SLC9A3: variants seen among roughly 807,000 people sequenced by gnomAD.
SLC9A3 encodes solute carrier family 9 member A3.
SLC9A3 carries 37 observed loss-of-function variants against 86.8 expected under a neutral mutation model. The observed-to-expected ratio is 0.43, with a 90% CI of 0.33 to 0.56. The LOEUF (loss-of-function observed/expected upper bound fraction) is 0.56, where lower values mean the gene tolerates loss of function less well. SLC9A3 is among the 20% of genes least tolerant of loss of function. The pLI is 0.06. For missense variants in SLC9A3, 1,011 were observed against 1,171.9 expected (o/e 0.86, Z 2.00); for synonymous variants, 581 against 528.3 (o/e 1.10, Z -1.37).
chr5:515,122 C>T (rs973496514), intron 1 of SLC9A3, among the ~76,000 whole-genome samples: 1 of 151,988 alleles, frequency 6.6e-6, no homozygotes, highest in African/African-American at 2.4e-5. Flanking sequence ...CTCGGCCCCC[C>T]ACTCCTCACC....
chr5:485,334 C>T, intron 3 of SLC9A3, 103 bp from the exon 4 acceptor site: 1 of 891,810 alleles, frequency 1.1e-6, no homozygotes, highest in Non-Finnish European at 1.8e-6. Flanking sequence ...GAGCCCATGG[C>T]ACCCGAGGCC....
rs1271058470 is a variant in SLC9A3 at position 491,947 on chromosome 5, G to A, written c.336C>T (p.Pro112=). The A allele has an allele frequency of 6.2e-7, 1 of 1,610,598 alleles. No homozygotes were observed. ...ADHIASFTLT[P]TVFFFYLLPP... is the part of the protein sequence containing the mutation. ...GCAGCAGGTAGAAGAAGAAGACGGT[G>A]GGCGTCAGTGTGAAGGACGCGATGT... is the stretch of plus-strand genomic sequence containing the variant. Residue 112 remains proline (P), a synonymous_variant, in exon 2 of 17, where the codon CCC becomes CCT. Transcript: ENST00000264938. The surrounding 1 kb of genome is among the most constrained non-coding windows in gnomAD (Gnocchi z 9.2).
rs1471704283 is a variant in SLC9A3 at position 497,603 on chromosome 5, C to T, written c.212-5532G>A. ...TATCTCTTAACACAATTGTTCTATTCTTTGGTTATTCCTCCACTTCAAAGA... is the reference window on the plus strand; with the variant it reads ...TATCTCTTAACACAATTGTTCTATTTTTTGGTTATTCCTCCACTTCAAAGA... On this transcript the variant is annotated intron_variant, in intron 1 of 16. Transcript: ENST00000264938. This position sits in a 1 kb window ranked among gnomAD's most constrained non-coding sequence, Gnocchi z 5.4. Among the ~76,000 whole-genome samples the T allele has an allele frequency of 9.2e-5, 14 of 152,190 alleles. No homozygotes were observed. Among genetic ancestry groups the T allele is most frequent in the Non-Finnish European group, 1.5e-5 (1 of 68,048 alleles).
chr5:477,519 G>A (rs4334924), intron 10 of SLC9A3, 75 bp from the exon 11 acceptor site: 359,518 of 1,086,092 alleles, frequency 0.33, 67,313 homozygotes, highest in Non-Finnish European at 0.39. Context: ...GCCCTGGGGG[G>A]AAGCGCCCAG....
chr5:490,912 C>G (rs572227863), intron 2 of SLC9A3, among the ~76,000 whole-genome samples: 71 of 152,340 alleles, frequency 4.7e-4, no homozygotes, highest in South Asian at 1.2e-3. Flanking sequence ...GAACCACGTG[C>G]TGGGTGAGGC....
intron 1 of SLC9A3, among the ~76,000 whole-genome samples, chr5:520,763 G>C (rs1733863064): frequency 6.6e-6 from 1 of 151,918 alleles, no homozygotes; most frequent in South Asian, 2.1e-4. Flanking sequence ...TCCTTCCAGG[G>C]GCCCATTGCT....
At position 475,604 on chromosome 5, in the gene SLC9A3, G is replaced by A. The variant is rs1234162425; in HGVS notation, c.2208C>T (p.Phe736=). ...CTGTGTCCTTGGTGACACTAGCCAG[G>A]AACTCGATCCCCCCACTCATCTCCT... ...YDEEMSGGIE[F]LASVTKDTAS... The change falls in exon 15 of 17, where the codon TTC becomes TTT. Residue 736 remains phenylalanine (F), a synonymous_variant. Transcript: ENST00000264938. The A allele has an allele frequency of 1.9e-6, 3 of 1,552,758 alleles. No individual in the cohort carries two copies.
At chr5:487,075 G>A (rs112763110) in intron 3 of SLC9A3, among the ~76,000 whole-genome samples, 13 of 102 alleles carry the variant, frequency 0.13, 1 homozygote, top group Admixed American at 0.36. Context: ...GACACCCACC[G>A]CACTGACACC....
intron 1 of SLC9A3, among the ~76,000 whole-genome samples, chr5:507,163 C>CTGCTT (rs1553999262): frequency 2.9e-5 from 1 of 34,754 alleles, no homozygotes; most frequent in African/African-American, 1.3e-4. Flanking sequence ...CCGGCTGCTG[C>CTGCTT]TTCTTTTTTT....
rs1739070583 is a variant in SLC9A3, at chr5:480,154, TGGA to T, written c.1518-192_1518-190del. ...CCGTTCTCCCGCCTGTCCTGTTGGATGGAGGCCGTTAGACGCATATGAAACTGC... is the reference window on the plus strand; with the variant it reads ...CCGTTCTCCCGCCTGTCCTGTTGGATGGCCGTTAGACGCATATGAAACTGC... On this transcript the variant is annotated intron_variant, in intron 9 of 16. Coordinates refer to ENST00000264938, the MANE Select transcript of SLC9A3 (RefSeq NM_004174.4). The T allele has an allele frequency of 1.0e-4, 62 of 591,616 alleles. 1 individual carries two copies. The South Asian group carries it at 1.2e-3, about 12-fold the overall frequency. 36.6% of individuals were successfully genotyped at this position (591,616 alleles called of 1,614,324 possible).
intron 1 of SLC9A3, among the ~76,000 whole-genome samples, chr5:512,947 G>C (rs1733601633): frequency 6.6e-6 from 1 of 152,212 alleles, no homozygotes; most frequent in South Asian, 2.1e-4. Flanking sequence ...ACCAAGATCA[G>C]AGCAAATACC....
intron 16 of SLC9A3, among the ~76,000 whole-genome samples, chr5:473,631 C>T (rs1738526804): frequency 3.3e-5 from 5 of 152,150 alleles, no homozygotes; most frequent in Admixed American, 3.3e-4. Context: ...GGACAGCGGC[C>T]TCCTCGGCGC....
intron 1 of SLC9A3, among the ~76,000 whole-genome samples, chr5:499,544 G>A (rs1740169400): frequency 6.6e-6 from 1 of 152,238 alleles, no homozygotes; most frequent in Non-Finnish European, 1.5e-5. Flanking sequence ...ATGGGATGAC[G>A]ACACTTGGGT....
In SLC9A3 at chr5:473,175, G is replaced by GGCGCAGGCCCCGCCCCCGGC; in HGVS notation, c.*203_*204insGCCGGGGGCGGGGCCTGCGC. On this transcript the variant is annotated 3_prime_UTR_variant, in exon 17 of 17. Coordinates refer to ENST00000264938, the MANE Select transcript of SLC9A3 (RefSeq NM_004174.4). ...CGCCCCCGGCGCAGGCCCCGCCCCCGGCTCGCCCTCGGGCGGCTCTGCGGG... is the reference window on the plus strand; with the variant it reads ...CGCCCCCGGCGCAGGCCCCGCCCCCGGCGCAGGCCCCGCCCCCGGCGCTCGCCCTCGGGCGGCTCTGCGGG... 2.1e-6 allele frequency: 1 copy of GGCGCAGGCCCCGCCCCCGGC among 475,206 alleles called. No individual in the cohort carries two copies. Among genetic ancestry groups the GGCGCAGGCCCCGCCCCCGGC allele is most frequent in the Non-Finnish European group, 3.2e-6 (1 of 310,232 alleles). 29.4% of individuals were successfully genotyped at this position (475,206 alleles called of 1,614,324 possible).
chr5:503,226 G>A (rs1382531284), intron 1 of SLC9A3, among the ~76,000 whole-genome samples: 2 of 152,180 alleles, frequency 1.3e-5, no homozygotes, highest in Admixed American at 1.3e-4. Flanking sequence ...AGAAAAAATG[G>A]TTTTTAAAGT....
At position 476,589 on chromosome 5, in the gene SLC9A3, A is replaced by C; in HGVS notation, c.1844T>G (p.Val615Gly). Residue 615 changes from valine to glycine, a missense_variant, in exon 12 of 17, where the codon GTC (valine) becomes GGC (glycine). Coordinates refer to ENST00000264938, the MANE Select transcript of SLC9A3 (RefSeq NM_004174.4). ...RRSIRDAEDM[V>G]THHTLQQYLY... Reference sequence around the variant, plus strand: ...GTACTGCTGTAGCGTGTGGTGCGTGACCATGTCCTCCGCGTCCCGGATGCT... The same window carrying C: ...GTACTGCTGTAGCGTGTGGTGCGTGCCCATGTCCTCCGCGTCCCGGATGCT... The C allele has an allele frequency of 6.2e-7, 1 of 1,611,360 alleles. No homozygotes were observed. Among genetic ancestry groups the C allele is most frequent in the African/African-American group, 1.3e-5 (1 of 75,038 alleles).
In SLC9A3 at chr5:473,237, T is replaced by A. The variant is rs1738493141; in HGVS notation, c.*142A>T. On this transcript the variant is annotated 3_prime_UTR_variant, in exon 17 of 17. Transcript: ENST00000264938. ...CACTCTCGGAGTTCTGCGCAGGCGC[T>A]GGCGTGGGCGAGGCGGGGCTCGGGG... The A allele has an allele frequency of 1.1e-6, 1 of 936,808 alleles. No homozygotes were observed. Among genetic ancestry groups the A allele is most frequent in the Non-Finnish European group, 1.4e-6 (1 of 723,356 alleles). 58.0% of individuals were successfully genotyped at this position (936,808 alleles called of 1,614,324 possible).
rs1331575095 is a variant in SLC9A3, at chr5:473,309, A to T, written c.*70T>A. ...CGGGGATCTGGGGTTTCTCTGGGAC[A>T]GCGGCGGCGGCGGTGGGCGGACCGT... On this transcript the variant is annotated 3_prime_UTR_variant, in exon 17 of 17. Transcript: ENST00000264938. The T allele has an allele frequency of 1.2e-5, 17 of 1,369,306 alleles. No individual in the cohort carries two copies. The highest frequency in any genetic ancestry group is 1.6e-5 in the Non-Finnish European group (17 of 1,056,974). The allele number at this position is 1,369,306 out of a possible 1,614,324, so 84.8% of individuals were successfully genotyped here. A position where few individuals can be genotyped will look rare whatever the true frequency, so the allele number is the denominator to read the frequency against.
rs970118477 is a variant in SLC9A3, at chr5:471,581, A to T, written c.*1798T>A. On this transcript the variant is annotated 3_prime_UTR_variant, in exon 17 of 17. Coordinates refer to ENST00000264938, the MANE Select transcript of SLC9A3 (RefSeq NM_004174.4). The stretch of plus-strand genomic sequence containing the variant: ...TGAACGTCAGGACGGTGGCTGCAGC[A>T]GGGAACCAGGGCTGGCCTTGGATCT... 1 of 357,384 alleles carries T rather than the reference A, an allele frequency of 2.8e-6. No homozygotes were observed. Among genetic ancestry groups the T allele is most frequent in the African/African-American group, 2.1e-5 (1 of 46,772 alleles). The allele number at this position is 357,384 out of a possible 1,614,324, so 22.1% of individuals were successfully genotyped here.
Sources: allele counts gnomAD v4.1 joint callset (sites outside exome capture counted in the v4.1 genomes callset), GRCh38; gene constraint gnomAD v4.1.1; non-coding constraint Gnocchi (gnomAD v3.1); transcripts MANE v1.5; gene names NCBI Gene and HGNC (gene_info 2026-07-23, HGNC 2026-07-21).